The following OR6N2 variants were observed in gnomAD, a reference collection of about 807,000 sequenced individuals.
OR6N2 encodes olfactory receptor 6N2.
For missense variants in OR6N2, 399 were observed against 379.7 expected (o/e 1.05, Z -0.42); for synonymous variants, 160 against 138.3 (o/e 1.16, Z -1.10).
Position 158,774,321 on chromosome 1 carries a change from G to T in OR6N2, c.*2361C>A, listed in dbSNP as rs887762543. 1 of 152,130 alleles carries T rather than the reference G, an allele frequency of 6.6e-6. No homozygotes were observed. The highest frequency in any genetic ancestry group is 1.5e-5 in the Non-Finnish European group (1 of 68,016). 9.4% of individuals were successfully genotyped at this position (152,130 alleles called of 1,614,324 possible). A position where few individuals can be genotyped will look rare whatever the true frequency, so the allele number is the denominator to read the frequency against. On this transcript the variant is annotated 3_prime_UTR_variant, in exon 2 of 2. Transcript: ENST00000641131. ...AAAGGACATACATATATATGCAAAG[G>T]TTCTCTACCTAGTTCATGAACCTGC...
intron 1 of OR6N2, among the ~76,000 whole-genome samples, chr1:158,780,292 T>C (rs906333507): frequency 6.6e-6 from 1 of 152,226 alleles, no homozygotes; most frequent in Non-Finnish European, 1.5e-5. Flanking sequence ...GCCAACTGTA[T>C]GTGTAGAACA....
chr1:158,778,787 G>C (rs189615896), intron 1 of OR6N2, among the ~76,000 whole-genome samples: 11 of 151,976 alleles, frequency 7.2e-5, no homozygotes, highest in African/African-American at 2.7e-4. Flanking sequence ...GGCTGAGGCG[G>C]GTAGATCACG....
chr1:158,777,321 G>C lies in OR6N2; in HGVS notation c.315C>G (p.His105Gln), dbSNP rs777716057. Residue 105 changes from histidine (H) to glutamine (Q), a missense_variant, in exon 2 of 2, where the codon CAC (histidine) becomes CAG (glutamine). Physicochemically the swap from His to Gln is conservative, Grantham distance 24. Transcript: ENST00000641131. ...GGTAGCATTCAGACGCTCCCAAGGAGTGGAAGAAGTAGGTCTGAAGGAGGC... is the reference window on the plus strand; with the variant it reads ...GGTAGCATTCAGACGCTCCCAAGGACTGGAAGAAGTAGGTCTGAAGGAGGC... ...AGCLLQTYFF[H>Q]SLGASECYLL... The C allele has an allele frequency of 2.5e-6, 4 of 1,614,180 alleles. No individual in the cohort carries two copies. The highest frequency in any genetic ancestry group is 3.4e-6 in the Non-Finnish European group (4 of 1,180,026).
rs992635906 is a variant in OR6N2 at position 158,775,573 on chromosome 1, ATTACT to A, written c.*1104_*1108del. 1 of 152,228 alleles carries A rather than the reference ATTACT, an allele frequency of 6.6e-6. No individual in the cohort carries two copies. Among genetic ancestry groups the A allele is most frequent in the Non-Finnish European group, 1.5e-5 (1 of 68,038 alleles). 9.4% of individuals were successfully genotyped at this position (152,228 alleles called of 1,614,324 possible). On this transcript the variant is annotated 3_prime_UTR_variant, in exon 2 of 2. Transcript: ENST00000641131. The stretch of plus-strand genomic sequence containing the variant: ...TATATACAATTCAGATTTCAAATAC[ATTACT>A]TTATATTTTATGTGGAAAATATATT...
chr1:158,775,007 C>A lies in OR6N2; in HGVS notation c.*1675G>T, dbSNP rs952552028. 4 of 152,080 alleles carry A rather than the reference C, an allele frequency of 2.6e-5. No homozygotes were observed. Among genetic ancestry groups the A allele is most frequent in the Non-Finnish European group, 5.9e-5 (4 of 68,014 alleles). 9.4% of individuals were successfully genotyped at this position (152,080 alleles called of 1,614,324 possible). A position where few individuals can be genotyped will look rare whatever the true frequency, so the allele number is the denominator to read the frequency against. On this transcript the variant is annotated 3_prime_UTR_variant, in exon 2 of 2. Transcript: ENST00000641131. ...CATTACGATTGCATTGAATACTCATCCTATTTAGGTGCTGTGTTAGTTTCT... is the reference window on the plus strand; with the variant it reads ...CATTACGATTGCATTGAATACTCATACTATTTAGGTGCTGTGTTAGTTTCT...
Position 158,775,184 on chromosome 1 carries a change from A to T in OR6N2, c.*1498T>A, listed in dbSNP as rs972008873. The stretch of plus-strand genomic sequence containing the variant: ...CATACATATTTTGAAGAGAAGCAAA[A>T]CATACTTCAGAGATAAAAATGAGTG... On this transcript the variant is annotated 3_prime_UTR_variant, in exon 2 of 2. Coordinates refer to ENST00000641131, the MANE Select transcript of OR6N2 (RefSeq NM_001005278.2). 6.6e-6 allele frequency: 1 copy of T among 152,250 alleles called. No individual in the cohort carries two copies. Among genetic ancestry groups the T allele is most frequent in the Non-Finnish European group, 1.5e-5 (1 of 68,042 alleles). The allele number at this position is 152,250 out of a possible 1,614,324, so 9.4% of individuals were successfully genotyped here.
At position 158,775,084 on chromosome 1, in the gene OR6N2, A is replaced by G. The variant is rs183979104; in HGVS notation, c.*1598T>C. On this transcript the variant is annotated 3_prime_UTR_variant, in exon 2 of 2. Coordinates refer to ENST00000641131, the MANE Select transcript of OR6N2 (RefSeq NM_001005278.2). ...AATAATTTGAGACCAAATCTAGTTT[A>G]TAGATACTTGTAGGAAAGAATGACA... 3.3e-5 allele frequency: 5 copies of G among 152,388 alleles called. No individual in the cohort carries two copies. In the East Asian group the frequency reaches 9.6e-4, roughly 29 times the overall value. 9.4% of individuals were successfully genotyped at this position (152,388 alleles called of 1,614,324 possible). A position where few individuals can be genotyped will look rare whatever the true frequency, so the allele number is the denominator to read the frequency against.
intron 1 of OR6N2, among the ~76,000 whole-genome samples, chr1:158,780,586 G>A (rs554849613): frequency 1.3e-5 from 2 of 152,268 alleles, no homozygotes; most frequent in African/African-American, 4.8e-5. Flanking sequence ...CCTTATATGT[G>A]CTCAGAGAAC....
chr1:158,779,568 A>G (rs1000556881), intron 1 of OR6N2, among the ~76,000 whole-genome samples: 2 of 152,218 alleles, frequency 1.3e-5, no homozygotes, highest in Non-Finnish European at 2.9e-5. Flanking sequence ...GATATTTTAG[A>G]ATACTAAATT....
Position 158,777,180 on chromosome 1 carries a change from G to A in OR6N2, c.456C>T (p.Gly152=). Residue 152 remains glycine, a synonymous_variant, in exon 2 of 2, where the codon GGC becomes GGT. Transcript: ENST00000641131. ...AKMAAACWTC[G]FLCPISEVIL... ...TGACCTCAGAAATGGGACACAGGAA[G>A]CCACAAGTCCAACAAGCAGCAGCCA... is the stretch of plus-strand genomic sequence containing the variant. 6.2e-7 allele frequency: 1 copy of A among 1,614,110 alleles called. No homozygotes were observed. The highest frequency in any genetic ancestry group is 8.5e-7 in the Non-Finnish European group (1 of 1,180,018).
Position 158,776,624 on chromosome 1 carries a change from T to C in OR6N2, c.*58A>G. On this transcript the variant is annotated 3_prime_UTR_variant, in exon 2 of 2. Transcript: ENST00000641131. ...CAGAGCATGTGTGATGATGGGAAGA[T>C]TACTCAAGGAACTTTTATGAATTGA... 4 of 959,468 alleles carry C rather than the reference T, an allele frequency of 4.2e-6. No individual in the cohort carries two copies. Among genetic ancestry groups the C allele is most frequent in the East Asian group, 2.4e-5 (1 of 41,192 alleles). The allele number at this position is 959,468 out of a possible 1,614,324, so 59.4% of individuals were successfully genotyped here.
At chr1:158,779,764 A>C (rs1182883141) in intron 1 of OR6N2, among the ~76,000 whole-genome samples, 1 of 152,176 alleles carries the variant, frequency 6.6e-6, no homozygotes, top group East Asian at 1.9e-4. Context: ...TTATCCTTCA[A>C]AATGAGATCA....
At chr1:158,779,773 CA>C (rs1558036940) in intron 1 of OR6N2, among the ~76,000 whole-genome samples, 1 of 152,156 alleles carries the variant, frequency 6.6e-6, no homozygotes, top group African/African-American at 2.4e-5. Flanking sequence ...AAAATGAGAT[CA>C]AATCTTAACT....
chr1:158,779,018 C>CAAAAAAAAAAAAAAAAAAAAAA (rs10680954), intron 1 of OR6N2, among the ~76,000 whole-genome samples: 5 of 86,402 alleles, frequency 5.8e-5, no homozygotes, highest in African/African-American at 2.8e-4. Flanking sequence ...GACTGCGTCT[C>CAAAAAAAAAAAAAAAAAAAAAA]AAAAAAAAAA....
chr1:158,776,445 A>C lies in OR6N2; in HGVS notation c.*237T>G, dbSNP rs972520356. ...ATGGAAATGTGTGGACCTAGGAAAT[A>C]TACATGCTTTTTTTTAAAAAAAGAA... On this transcript the variant is annotated 3_prime_UTR_variant, in exon 2 of 2. Coordinates refer to ENST00000641131, the MANE Select transcript of OR6N2 (RefSeq NM_001005278.2). 5.5e-6 allele frequency: 2 copies of C among 364,574 alleles called. No homozygotes were observed. The highest frequency in any genetic ancestry group is 4.2e-5 in the African/African-American group (2 of 47,510). 22.6% of individuals were successfully genotyped at this position (364,574 alleles called of 1,614,324 possible). A position where few individuals can be genotyped will look rare whatever the true frequency, so the allele number is the denominator to read the frequency against.
rs941156810 is a variant in OR6N2, at chr1:158,776,156, G to A, written c.*526C>T. The stretch of plus-strand genomic sequence containing the variant: ...AATGATGTCATGAGAGTTAGGGAGA[G>A]TTAAGGAGTAAAAAGTTAGGAGAAT... On this transcript the variant is annotated 3_prime_UTR_variant, in exon 2 of 2. Transcript: ENST00000641131. 3 of 152,420 alleles carry A rather than the reference G, an allele frequency of 2.0e-5. No individual in the cohort carries two copies. The highest frequency in any genetic ancestry group is 7.2e-5 in the African/African-American group (3 of 41,582). 9.4% of individuals were successfully genotyped at this position (152,420 alleles called of 1,614,324 possible).
At position 158,774,407 on chromosome 1, in the gene OR6N2, T is replaced by C. The variant is rs953664906; in HGVS notation, c.*2275A>G. 9.2e-5 allele frequency: 14 copies of C among 151,996 alleles called. No homozygotes were observed. Among genetic ancestry groups the C allele is most frequent in the Admixed American group, 9.2e-4 (14 of 15,258 alleles). The allele number at this position is 151,996 out of a possible 1,614,324, so 9.4% of individuals were successfully genotyped here. On this transcript the variant is annotated 3_prime_UTR_variant, in exon 2 of 2. Transcript: ENST00000641131. ...TTTGTTACTCATAGACATGCAGCAA[T>C]GAGAAACAGAAGCCTGGGGTTCATC...
In OR6N2 at chr1:158,777,148, G is replaced by A. The variant is rs1334350867; in HGVS notation, c.488C>T (p.Ala163Val). The A allele has an allele frequency of 2.5e-6, 4 of 1,613,974 alleles. No individual in the cohort carries two copies. The highest frequency in any genetic ancestry group is 1.3e-5 in the African/African-American group (1 of 74,904). The part of the protein sequence containing the change: ...FLCPISEVIL[A>V]SQLPFCAYNE... ...GTAAGCACAAAATGGGAGCTGGGAG[G>A]CAAGGATGACCTCAGAAATGGGACA... Residue 163 changes from alanine to valine, a missense_variant, in exon 2 of 2, where the codon GCC becomes GTC. Ala to Val is a moderately conservative substitution (Grantham distance 64). Coordinates refer to ENST00000641131, the MANE Select transcript of OR6N2 (RefSeq NM_001005278.2).
rs1362810470 is a variant in OR6N2 at position 158,777,549 on chromosome 1, G to T, written c.87C>A (p.Val29=). The T allele has an allele frequency of 6.2e-7, 1 of 1,613,960 alleles. No individual in the cohort carries two copies. The highest frequency in any genetic ancestry group is 1.3e-5 in the African/African-American group (1 of 74,916). Residue 29 remains valine, a synonymous_variant, in exon 2 of 2, where the codon GTC becomes GTA. Transcript: ENST00000641131. ...SVGYVRGWLF[V]LLLLAYLFTI... is the part of the protein sequence containing the mutation. ...TGAACAGGTATGCCAATAGCAGCAG[G>T]ACAAAAAGCCAGCCCCTGACATAGC...
Sources: allele counts gnomAD v4.1 joint callset (sites outside exome capture counted in the v4.1 genomes callset), GRCh38; gene constraint gnomAD v4.1.1; transcripts MANE v1.5; gene names NCBI Gene and HGNC (gene_info 2026-07-23, HGNC 2026-07-21).